IQCH: variants seen among roughly 807,000 people sequenced by gnomAD.
The protein encoded by IQCH is IQ motif containing H.
In IQCH, 98 loss-of-function variants were observed where a neutral mutation model predicts 117.0. The ratio of observed to expected loss-of-function variants is 0.84; its 90% confidence interval spans 0.71 to 0.99. IQCH has a LOEUF of 0.99. Ranked by LOEUF, IQCH falls within the 50% of genes least tolerant of loss-of-function variation. The pLI is 0.00. For missense variants in IQCH, 1,102 were observed against 1,243.8 expected, an observed-to-expected ratio of 0.89 and a Z score of 1.72; for synonymous variants, 412 against 448.2, an observed-to-expected ratio of 0.92 and a Z score of 1.02.
intron 8 of IQCH, among the ~76,000 whole-genome samples, chr15:67,368,668 C>T (rs1970417063): frequency 6.6e-6 from 1 of 152,142 alleles, no homozygotes; most frequent in South Asian, 2.1e-4. Flanking sequence ...TCCTTCTAGG[C>T]AATGGAATGA....
intron 16 of IQCH, among the ~76,000 whole-genome samples, chr15:67,442,052 A>G (rs75470072): frequency 0.015 from 2,338 of 152,282 alleles, 63 homozygotes; most frequent in African/African-American, 0.054. Context: ...AAACAATCCC[A>G]TCAAAAAATG....
intron 1 of IQCH, among the ~76,000 whole-genome samples, chr15:67,257,355 T>A (rs1393057584): frequency 6.6e-6 from 1 of 152,242 alleles, no homozygotes; most frequent in East Asian, 1.9e-4. Context: ...TGCAATAGAC[T>A]GTAAAGCAGA....
At chr15:67,360,642 C>G (rs577479691) in intron 8 of IQCH, among the ~76,000 whole-genome samples, 1 of 152,344 alleles carries the variant, frequency 6.6e-6, no homozygotes, top group Admixed American at 6.5e-5. Context: ...GTTATCATAA[C>G]TCATTGGTCC....
In IQCH at chr15:67,429,002, GC is replaced by G. The variant is rs1005154427; in HGVS notation, c.2505+7426del. On this transcript the variant is annotated intron_variant, in intron 16 of 20. Coordinates refer to ENST00000335894, the MANE Select transcript of IQCH (RefSeq NM_001031715.3). ...ACATGGCCTCTAGAAGCCAGAAAAG[GC>G]AAGGAAACAGATTCTCCTCTAGAGT... 1.2e-4 allele frequency among the ~76,000 whole-genome samples: 19 copies of G among 152,262 alleles called. No individual in the cohort carries two copies. The Middle Eastern group carries it at 0.014, about 109-fold the overall frequency.
rs113471273 is a variant in IQCH, at chr15:67,356,646, A to AT, written c.638-693dup. Among the ~76,000 whole-genome samples, 1 of 152,182 alleles carries AT rather than the reference A, an allele frequency of 6.6e-6. No homozygotes were observed. Among genetic ancestry groups the AT allele is most frequent in the Non-Finnish European group, 1.5e-5 (1 of 68,036 alleles). On this transcript the variant is annotated intron_variant, in intron 6 of 20. Transcript: ENST00000335894. This position sits in a 1 kb window ranked among gnomAD's most constrained non-coding sequence, Gnocchi z 5.3. Reference sequence around the variant, plus strand: ...TTTATTCAATTAACCATTTAAATAAATTTTTTGTTCTCTTTCTTGGGCTGA... The same window carrying AT: ...TTTATTCAATTAACCATTTAAATAAATTTTTTTGTTCTCTTTCTTGGGCTGA...
intron 4 of IQCH, chr15:67,281,641 G>GA (rs1477762844): frequency 4.4e-6 from 2 of 453,154 alleles, no homozygotes; most frequent in Non-Finnish European, 8.8e-6. Context: ...GAAATGACTG[G>GA]AAAGGGGAGG....
At chr15:67,335,085 TAC>T (rs1319238786) in intron 4 of IQCH, among the ~76,000 whole-genome samples, 2 of 152,010 alleles carry the variant, frequency 1.3e-5, no homozygotes, top group East Asian at 3.9e-4. Flanking sequence ...ACACACACAC[TAC>T]ACACACAGTC....
At chr15:67,489,894 A>G in intron 18 of IQCH, 109 bp from the exon 19 acceptor site, 1 of 824,916 alleles carries the variant, frequency 1.2e-6, no homozygotes, top group Non-Finnish European at 2.1e-6. Flanking sequence ...AGGTAGCTCT[A>G]GATTTCAAAT....
In IQCH at chr15:67,412,197, G is replaced by A. The variant is rs529317714; in HGVS notation, c.2098-4734G>A. 5.9e-5 allele frequency among the ~76,000 whole-genome samples: 9 copies of A among 152,242 alleles called. No individual in the cohort carries two copies. The East Asian group carries it at 9.6e-4, about 16-fold the overall frequency. ...TTCTGACTTTTTTCAAAAGTCAAGT[G>A]TATTTTTTCTAGCACTTGTTTATTA... On this transcript the variant is annotated intron_variant, in intron 14 of 20. Coordinates refer to ENST00000335894, the MANE Select transcript of IQCH (RefSeq NM_001031715.3).
In IQCH at chr15:67,496,656, G is replaced by A. The variant is rs923841314; in HGVS notation, c.2970+2290G>A. On this transcript the variant is annotated intron_variant, in intron 20 of 20. Transcript: ENST00000335894. The surrounding 1 kb of genome is among the most constrained non-coding windows in gnomAD (Gnocchi z 4.4). Reference sequence around the variant, plus strand: ...ACTCAGGAGTTTGAGACCAGCCTGGGCAACATAGCAAGACCTCATCTCTAC... The same window carrying A: ...ACTCAGGAGTTTGAGACCAGCCTGGACAACATAGCAAGACCTCATCTCTAC... Among the ~76,000 whole-genome samples, 4 of 152,060 alleles carry A rather than the reference G, an allele frequency of 2.6e-5. No homozygotes were observed. The highest frequency in any genetic ancestry group is 2.4e-5 in the African/African-American group (1 of 41,412).
rs112050984 is a variant in IQCH at position 67,256,231 on chromosome 15, A to T, written c.51+1284A>T. On this transcript the variant is annotated intron_variant, in intron 1 of 20. Transcript: ENST00000335894. The stretch of plus-strand genomic sequence containing the variant: ...GGGTACAAACATAGAGCTTTTGGTC[A>T]TCTTATCCCTGTGGAGTCATTGACG... Among the ~76,000 whole-genome samples, 3 of 152,322 alleles carry T rather than the reference A, an allele frequency of 2.0e-5. 1 individual carries two copies. Among genetic ancestry groups the T allele is most frequent in the African/African-American group, 7.2e-5 (3 of 41,570 alleles).
intron 16 of IQCH, among the ~76,000 whole-genome samples, chr15:67,461,560 A>T (rs940523949): frequency 1.3e-5 from 2 of 152,250 alleles, no homozygotes; most frequent in African/African-American, 4.8e-5. Context: ...TGGAGAACAG[A>T]ACAATTATCT....
At chr15:67,255,027 C>CG (rs1161635189) in intron 1 of IQCH, 80 bp downstream of exon 1, 2 of 1,382,634 alleles carry the variant, frequency 1.4e-6, no homozygotes, top group Non-Finnish European at 2.0e-6. Flanking sequence ...GATTCACCGA[C>CG]GCTCACCCAT....
At chr15:67,461,674 C>T (rs149166627) in intron 16 of IQCH, among the ~76,000 whole-genome samples, 30 of 152,360 alleles carry the variant, frequency 2.0e-4, no homozygotes, top group Non-Finnish European at 3.5e-4. Context: ...GAAGCAAAAG[C>T]ATTTCAGCTC....
rs2082711874 is a variant in IQCH at position 67,458,512 on chromosome 15, T to C, written c.2506-6615T>C. ...TCCATCCTTGCCCCCTCAGGGCCTC[T>C]TGTCAATGCAATTAGAGTCACATTA... is the stretch of plus-strand genomic sequence containing the variant. On this transcript the variant is annotated intron_variant, in intron 16 of 20. Coordinates refer to ENST00000335894, the MANE Select transcript of IQCH (RefSeq NM_001031715.3). The surrounding 1 kb of genome is among the most constrained non-coding windows in gnomAD (Gnocchi z 4.1). Among the ~76,000 whole-genome samples the C allele has an allele frequency of 6.6e-6, 1 of 152,234 alleles. No homozygotes were observed. Among genetic ancestry groups the C allele is most frequent in the Non-Finnish European group, 1.5e-5 (1 of 68,050 alleles).
At chr15:67,335,754 A>G (rs1426139196) in intron 4 of IQCH, among the ~76,000 whole-genome samples, 1 of 152,094 alleles carries the variant, frequency 6.6e-6, no homozygotes, top group Non-Finnish European at 1.5e-5. Context: ...CTTCTGACTC[A>G]CCTGGGGAGA....
At chr15:67,397,397 T>A (rs537099961) in intron 13 of IQCH, among the ~76,000 whole-genome samples, 2 of 152,354 alleles carry the variant, frequency 1.3e-5, no homozygotes, top group South Asian at 4.1e-4. Flanking sequence ...AGAGATGTCA[T>A]TTGACCTATG....
At chr15:67,329,935 A>G (rs1968590365) in intron 4 of IQCH, among the ~76,000 whole-genome samples, 1 of 152,166 alleles carries the variant, frequency 6.6e-6, no homozygotes, top group South Asian at 2.1e-4. Flanking sequence ...AAATAACAAT[A>G]GATTAAATAC....
At chr15:67,324,656 T>C (rs1005171525) in intron 4 of IQCH, among the ~76,000 whole-genome samples, 6 of 151,910 alleles carry the variant, frequency 3.9e-5, no homozygotes, top group Admixed American at 2.0e-4. Context: ...TAGATCACCT[T>C]TATTTTGAAA....
Sources: allele counts gnomAD v4.1 joint callset (sites outside exome capture counted in the v4.1 genomes callset), GRCh38; gene constraint gnomAD v4.1.1; non-coding constraint Gnocchi (gnomAD v3.1); transcripts MANE v1.5; gene names NCBI Gene and HGNC (gene_info 2026-07-23, HGNC 2026-07-21).